Variants in FCRL4 observed in about 807,000 individuals in gnomAD.
FCRL4 encodes the protein Fc receptor-like protein 4.
A neutral mutation model predicts 64.1 loss-of-function variants in FCRL4; 43 were observed. The observed-to-expected ratio is 0.67, with a 90% CI of 0.53 to 0.87. The LOEUF (loss-of-function observed/expected upper bound fraction) is 0.87, where lower values mean the gene tolerates loss of function less well. Ranked by LOEUF, FCRL4 falls within the 40% of genes least tolerant of loss-of-function variation. FCRL4 has a pLI of 0.00. For synonymous variants in FCRL4, 253 were observed against 239.8 expected (o/e 1.05, Z -0.51); for missense variants, 656 against 613.5 (o/e 1.07, Z -0.73).
At chr1:157,582,583 A>T (rs1277846847) in intron 6 of FCRL4, among the ~76,000 whole-genome samples, 1 of 152,206 alleles carries the variant, frequency 6.6e-6, no homozygotes, top group Non-Finnish European at 1.5e-5. Context: ...GACAGAGAAC[A>T]TGCAGGTAGT....
At chr1:157,581,396 G>A (rs1652555772) in intron 7 of FCRL4, 135 bp downstream of exon 7, 5 of 667,570 alleles carry the variant, frequency 7.5e-6, no homozygotes, top group South Asian at 3.6e-5. Flanking sequence ...GGACGTGAGT[G>A]TGTGTGAACG....
intron 7 of FCRL4, chr1:157,580,573 AT>A: frequency 1.9e-6 from 1 of 528,000 alleles, no homozygotes; most frequent in Middle Eastern, 5.2e-4. Context: ...TTGTCTGAGA[AT>A]TTATTAAGAC....
Position 157,589,414 on chromosome 1 carries a change from T to C in FCRL4, c.97A>G (p.Thr33Ala). Residue 33 changes from threonine to alanine, a missense_variant, in exon 3 of 12, where the codon ACA (threonine) becomes GCA (alanine). Transcript: ENST00000271532. Reference protein sequence around the residue: ...PVISVHPPWTTFFKGERVTLT... With the variant: ...PVISVHPPWTAFFKGERVTLT... ...GTCACTCTCTCTCCTTTGAAGAATG[T>C]GGTCCATGGAGGATGGACGGAAATC... The C allele has an allele frequency of 6.2e-7, 1 of 1,614,186 alleles. No homozygotes were observed. The highest frequency in any genetic ancestry group is 1.3e-5 in the African/African-American group (1 of 75,060).
chr1:157,596,240 A>G, intron 2 of FCRL4, 88 bp downstream of exon 2: 1 of 1,419,296 alleles, frequency 7.0e-7, no homozygotes, highest in Non-Finnish European at 9.9e-7. Flanking sequence ...GATGAAATGG[A>G]CAACAGGGAC....
chr1:157,595,060 G>A (rs148090096), intron 2 of FCRL4, among the ~76,000 whole-genome samples: 17 of 152,084 alleles, frequency 1.1e-4, no homozygotes, highest in Admixed American at 3.3e-4. Flanking sequence ...CACCACAACC[G>A]GCTAATTTTT....
chr1:157,581,451 G>C (rs1256847521), intron 7 of FCRL4, 80 bp downstream of exon 7: 1 of 1,124,788 alleles, frequency 8.9e-7, no homozygotes, highest in African/African-American at 1.5e-5. Flanking sequence ...GTGGTGGCCT[G>C]GTGGCCACTA....
chr1:157,583,523 G>T (rs1298171293), intron 6 of FCRL4, among the ~76,000 whole-genome samples: 1 of 152,134 alleles, frequency 6.6e-6, no homozygotes, highest in Non-Finnish European at 1.5e-5. Context: ...TAGGATTAGT[G>T]CCCTTCTAAG....
chr1:157,581,382 G>A (rs1652555115), intron 7 of FCRL4, 149 bp downstream of exon 7: 1 of 625,458 alleles, frequency 1.6e-6, no homozygotes, highest in African/African-American at 1.8e-5. Flanking sequence ...CTTAAGGAAG[G>A]GACGGACGTG....
rs1652785549 is a variant in FCRL4, at chr1:157,589,433, G to A, written c.78C>T (p.Ser26=). ...AGAATGTGGTCCATGGAGGATGGAC[G>A]GAAATCACAGGTTTGTGTGCAGCTG... ...QSAAAHKPVI[S]VHPPWTTFFK... is the part of the protein sequence containing the mutation. Residue 26 remains serine (S), a synonymous_variant, in exon 3 of 12, where the codon TCC becomes TCT. Coordinates refer to ENST00000271532, the MANE Select transcript of FCRL4 (RefSeq NM_031282.3). The A allele has an allele frequency of 7.4e-6, 12 of 1,614,088 alleles. No individual in the cohort carries two copies. The highest frequency in any genetic ancestry group is 1.3e-5 in the African/African-American group (1 of 75,054).
rs781021118 is a variant in FCRL4 at position 157,586,439 on chromosome 1, C to A, written c.864G>T (p.Gly288=). The change falls in exon 6 of 12, where the codon GGG becomes GGT. Residue 288 remains glycine, a synonymous_variant. Coordinates refer to ENST00000271532, the MANE Select transcript of FCRL4 (RefSeq NM_031282.3). ...CTGAGGGCTGGGTCTCCAGGAGCAC[C>A]CCAGACACAGGGATCCCTATGTGAA... is the stretch of plus-strand genomic sequence containing the variant. ...QIHVQRIPVS[G]VLLETQPSGG... is the part of the protein sequence containing the mutation. 6.2e-7 allele frequency: 1 copy of A among 1,608,968 alleles called. No homozygotes were observed. Among genetic ancestry groups the A allele is most frequent in the Non-Finnish European group, 8.5e-7 (1 of 1,178,826 alleles).
intron 10 of FCRL4, among the ~76,000 whole-genome samples, chr1:157,576,015 T>C (rs1196529383): frequency 6.6e-6 from 1 of 152,166 alleles, no homozygotes; most frequent in Admixed American, 6.5e-5. Flanking sequence ...AGAGATAATT[T>C]TTTTCTTAGT....
rs562994276 is a variant in FCRL4 at position 157,574,890 on chromosome 1, T to C, written c.*634A>G. The C allele has an allele frequency of 3.3e-5, 7 of 212,298 alleles. No individual in the cohort carries two copies. The Middle Eastern group carries it at 4.6e-3, about 141-fold the overall frequency. The allele number at this position is 212,298 out of a possible 1,614,324, so 13.2% of individuals were successfully genotyped here. A position where few individuals can be genotyped will look rare whatever the true frequency, so the allele number is the denominator to read the frequency against. ...ACATTAACATAATTATCATTTGCTT[T>C]TGGAAGCGCAGCCTAGAGCTTGCAT... On this transcript the variant is annotated 3_prime_UTR_variant, in exon 12 of 12. Transcript: ENST00000271532.
chr1:157,586,151 T>C lies in FCRL4; in HGVS notation c.1135+17A>G. 1.3e-6 allele frequency: 2 copies of C among 1,593,122 alleles called. No individual in the cohort carries two copies. The highest frequency in any genetic ancestry group is 1.7e-6 in the Non-Finnish European group (2 of 1,165,448). ...GTTTGCTGAGAATAAATAAGGTCAA[T>C]AGAGATTAAAACTCACCTCTCACAG... On this transcript the variant is annotated intron_variant, in intron 6 of 11. Transcript: ENST00000271532.
intron 2 of FCRL4, among the ~76,000 whole-genome samples, chr1:157,590,785 G>A (rs1213354443): frequency 1.3e-5 from 2 of 152,072 alleles, no homozygotes; most frequent in Non-Finnish European, 2.9e-5. Context: ...CCAAAGTGCT[G>A]GAATTGCAGG....
chr1:157,585,853 G>T (rs550198470), intron 6 of FCRL4, among the ~76,000 whole-genome samples: 1 of 152,256 alleles, frequency 6.6e-6, no homozygotes, highest in Non-Finnish European at 1.5e-5. Context: ...GGGTGACAGA[G>T]CTGTGCCCCA....
chr1:157,581,616 G>T lies in FCRL4; in HGVS notation c.1164C>A (p.Val388=), dbSNP rs763330168. 2.5e-6 allele frequency: 4 copies of T among 1,613,898 alleles called. No individual in the cohort carries two copies. The highest frequency in any genetic ancestry group is 3.4e-6 in the Non-Finnish European group (4 of 1,179,970). Residue 388 remains valine (V), a synonymous_variant, in exon 7 of 12, where the codon GTC becomes GTA. Transcript: ENST00000271532. ...GCAGCCCTCCAGTGGCTCCCGCGGC[G>T]ACAAGGCCATCTCTGTTGCCTGGGG... ...RETPGNRDGL[V]AAGATGGLLS...
rs1326968796 is a variant in FCRL4, at chr1:157,594,094, C to A, written c.52+2234G>T. 2.6e-5 allele frequency among the ~76,000 whole-genome samples: 4 copies of A among 152,160 alleles called. No homozygotes were observed. In the East Asian group the frequency reaches 5.8e-4, roughly 22 times the overall value. On this transcript the variant is annotated intron_variant, in intron 2 of 11. Coordinates refer to ENST00000271532, the MANE Select transcript of FCRL4 (RefSeq NM_031282.3). ...CACTAAAGAGTATGGCAGAGCAAGA[C>A]CTATTAACGATTATGAAGGAGAAAT...
At position 157,586,174 on chromosome 1, in the gene FCRL4, C is replaced by G. The variant is rs373638409; in HGVS notation, c.1129G>C (p.Val377Leu). 10 of 1,604,118 alleles carry G rather than the reference C, an allele frequency of 6.2e-6. No homozygotes were observed. Among genetic ancestry groups the G allele is most frequent in the Non-Finnish European group, 6.8e-6 (8 of 1,172,474 alleles). ...AATAGAGATTAAAACTCACCTCTCA[C>G]AGTGACATTCAGCACCATGCTCTGG... is the stretch of plus-strand genomic sequence containing the variant. ...PVQSMVLNVT[V>L]RETPGNRDGL... The change falls in exon 6 of 12, where the codon GTG becomes CTG. Residue 377 changes from valine (V) to leucine (L), a missense_variant. Transcript: ENST00000271532.
Position 157,587,465 on chromosome 1 carries a change from G to A in FCRL4, c.658C>T (p.Arg220Trp), listed in dbSNP as rs780000032. 21 of 1,614,064 alleles carry A rather than the reference G, an allele frequency of 1.3e-5. No homozygotes were observed. The highest frequency in any genetic ancestry group is 8.9e-5 in the East Asian group (4 of 44,900). ...TTGAAGTGAAGTGGGGTGTCTGACC[G>A]CTCTGGAGGAAGCTGTGTTTCACAG... ...LSCETQLPPE[R>W]SDTPLHFNFF... Residue 220 changes from arginine (R) to tryptophan (W), a missense_variant, in exon 5 of 12, where the codon CGG becomes TGG. Physicochemically the swap from Arg to Trp is moderately radical, Grantham distance 101 (BLOSUM62 -3). Transcript: ENST00000271532.
Sources: gnomAD v4.1 joint callset for allele counts (sites outside exome capture counted in the v4.1 genomes callset) on GRCh38, gnomAD v4.1.1 for gene constraint, MANE v1.5 for transcripts, NCBI Gene and HGNC (gene_info 2026-07-23, HGNC 2026-07-21) for gene names.